Variants in KDM4C observed in about 807,000 individuals in gnomAD.
KDM4C encodes the protein lysine demethylase 4C.
In KDM4C, 81 loss-of-function variants were observed where a neutral mutation model predicts 129.3. That is an observed-to-expected ratio of 0.63 (90% CI 0.52 to 0.75). The LOEUF (loss-of-function observed/expected upper bound fraction) is 0.75. Ranked by LOEUF, KDM4C falls within the 30% of genes least tolerant of loss-of-function variation. KDM4C has a pLI of 0.00. For missense variants in KDM4C, 1,457 were observed against 1,304.0 expected (o/e 1.12, Z -1.81); for synonymous variants, 573 against 456.1 (o/e 1.26, Z -3.26).
At chr9:6,941,724 A>G (rs1392170083) in intron 8 of KDM4C, 2 of 152,168 alleles carry the variant, frequency 1.3e-5, no homozygotes, top group African/African-American at 4.8e-5. Context: ...GCTCCTTACC[A>G]CGGTCATTCT....
At chr9:6,755,478 G>A (rs1588072166), upstream of KDM4C, among the ~76,000 whole-genome samples, 1 of 152,182 alleles carries the variant, frequency 6.6e-6, no homozygotes, top group Non-Finnish European at 1.5e-5. Context: ...AACCCGGGAG[G>A]TCAAGGCTGC....
chr9:7,122,408 A>T (rs942477616), intron 18 of KDM4C, among the ~76,000 whole-genome samples: 16 of 152,068 alleles, frequency 1.1e-4, no homozygotes, highest in Non-Finnish European at 1.9e-4. Flanking sequence ...AATATTGGGG[A>T]TTCCAATTCA....
At chr9:6,726,382 C>T (rs573358363) in intron 1 of KDM4C, 1 of 152,394 alleles carries the variant, frequency 6.6e-6, no homozygotes, top group African/African-American at 2.4e-5. Context: ...CCTGACACTG[C>T]TCGCTCAGTC....
At chr9:7,052,898 A>AGAGCGAGAGAGC (rs1830382056) in intron 17 of KDM4C, among the ~76,000 whole-genome samples, 1 of 47,532 alleles carries the variant, frequency 2.1e-5, no homozygotes, top group African/African-American at 4.6e-5. Flanking sequence ...AGAGAGAGAG[A>AGAGCGAGAGAGC]GAGCGAGCGA....
At chr9:6,848,354 G>T (rs770117661) in intron 4 of KDM4C, among the ~76,000 whole-genome samples, 6 of 152,096 alleles carry the variant, frequency 3.9e-5, no homozygotes, top group Non-Finnish European at 7.4e-5. Context: ...TTTCTAAGCA[G>T]TTGTGAACTG....
chr9:6,757,154 C>T (rs948270990), upstream of KDM4C, among the ~76,000 whole-genome samples: 5 of 152,260 alleles, frequency 3.3e-5, no homozygotes, highest in Admixed American at 6.5e-5. Context: ...GGCGGAGTTA[C>T]AGAGGAAAAG....
intron 2 of KDM4C, among the ~76,000 whole-genome samples, chr9:6,803,805 C>T (rs1200026638): frequency 2.0e-5 from 3 of 150,104 alleles, no homozygotes; most frequent in African/African-American, 4.9e-5. Context: ...TGCTTCATGA[C>T]GTTGTACGTT....
At chr9:6,863,593 G>A (rs1347912096) in intron 5 of KDM4C, among the ~76,000 whole-genome samples, 1 of 151,936 alleles carries the variant, frequency 6.6e-6, no homozygotes, top group Non-Finnish European at 1.5e-5. Context: ...TCAGGAGATC[G>A]AGACCATCCT....
intron 18 of KDM4C, among the ~76,000 whole-genome samples, chr9:7,125,513 A>G (rs1055436453): frequency 6.6e-6 from 1 of 152,248 alleles, no homozygotes; most frequent in African/African-American, 2.4e-5. Flanking sequence ...TGAGGAAATT[A>G]GTGAATGAAT....
At chr9:7,129,733 A>G (rs1167610895) in intron 19 of KDM4C, among the ~76,000 whole-genome samples, 1 of 152,112 alleles carries the variant, frequency 6.6e-6, no homozygotes, top group Non-Finnish European at 1.5e-5. Flanking sequence ...CAAGCAATCT[A>G]CCACCTGTTG....
At chr9:6,750,118 A>G (rs962151705) in intron 1 of KDM4C, among the ~76,000 whole-genome samples, 1 of 152,050 alleles carries the variant, frequency 6.6e-6, no homozygotes, top group African/African-American at 2.4e-5. Context: ...AATAATGAAC[A>G]AGAATTTAGA....
intron 3 of KDM4C, among the ~76,000 whole-genome samples, chr9:6,809,593 G>C (rs2131081636): frequency 6.6e-6 from 1 of 152,244 alleles, no homozygotes; most frequent in African/African-American, 2.4e-5. Context: ...AGGCTTCTGT[G>C]GTTGTTCATA....
chr9:6,907,076 A>T (rs1337778371), intron 8 of KDM4C, among the ~76,000 whole-genome samples: 1 of 152,190 alleles, frequency 6.6e-6, no homozygotes, highest in Non-Finnish European at 1.5e-5. Context: ...GCATTAAAGG[A>T]TTGACTCAAT....
intron 5 of KDM4C, among the ~76,000 whole-genome samples, chr9:6,863,664 C>T (rs1408231212): frequency 1.3e-5 from 2 of 151,716 alleles, no homozygotes; most frequent in Non-Finnish European, 2.9e-5. Context: ...GGCGTGGTGG[C>T]GGGCGCCTGT....
chr9:7,061,479 A>G (rs1587359298), intron 17 of KDM4C, among the ~76,000 whole-genome samples: 1 of 152,210 alleles, frequency 6.6e-6, no homozygotes, highest in Admixed American at 6.5e-5. Context: ...GCTGAGCAGA[A>G]GCCTGGTGCT....
intron 8 of KDM4C, among the ~76,000 whole-genome samples, chr9:6,894,071 T>C (rs911434911): frequency 1.3e-5 from 2 of 152,160 alleles, no homozygotes; most frequent in Non-Finnish European, 2.9e-5. Context: ...ATTTTGGCCA[T>C]TGCATGGCTC....
At chr9:7,097,145 C>G (rs1056889924) in intron 17 of KDM4C, among the ~76,000 whole-genome samples, 1 of 152,214 alleles carries the variant, frequency 6.6e-6, no homozygotes, top group Admixed American at 6.5e-5. Context: ...TCTACTTCTT[C>G]TTAGTGGCTT....
intron 4 of KDM4C, among the ~76,000 whole-genome samples, chr9:6,826,692 C>G (rs563639798): frequency 5.3e-5 from 8 of 152,078 alleles, no homozygotes; most frequent in African/African-American, 1.9e-4. Context: ...ATTGTGAAAC[C>G]CTGTCTCTAC....
At chr9:6,847,728 T>C (rs532259547) in intron 4 of KDM4C, among the ~76,000 whole-genome samples, 4 of 152,268 alleles carry the variant, frequency 2.6e-5, no homozygotes, top group African/African-American at 9.6e-5. Flanking sequence ...AGTTTCCAAA[T>C]AACAAGCTTC....
Sources: allele counts gnomAD v4.1 joint callset (sites outside exome capture counted in the v4.1 genomes callset), GRCh38; gene constraint gnomAD v4.1.1; transcripts MANE v1.5; gene names NCBI Gene and HGNC (gene_info 2026-07-23, HGNC 2026-07-21).